CACNA1C: variants seen among roughly 807,000 people sequenced by gnomAD.
The protein encoded by CACNA1C is voltage-dependent L-type calcium channel subunit alpha-1C.
Under a neutral mutation model 229.0 loss-of-function variants are expected in CACNA1C, and 30 were observed. That is an observed-to-expected ratio of 0.13 (90% CI 0.10 to 0.18). The LOEUF (loss-of-function observed/expected upper bound fraction) is 0.18. Among genes scored for constraint, CACNA1C ranks in the 10% least tolerant of loss-of-function variants. The probability of loss-of-function intolerance (pLI) is 1.00; values close to 1 mark genes in which losing one functional copy is unlikely to be tolerated. For missense variants in CACNA1C, 1,658 were observed against 2,845.0 expected (o/e 0.58, Z 9.49); for synonymous variants, 1,114 against 1,132.5 (o/e 0.98, Z 0.33).
chr12:2,115,304 C>G lies in CACNA1C; in HGVS notation c.130C>G (p.Pro44Ala), dbSNP rs1057518456. Residue 44 changes from proline to alanine, a missense_variant, in exon 2 of 47, where the codon CCC becomes GCC. Physicochemically the swap from Pro to Ala is conservative, Grantham distance 27. Transcript: ENST00000399655. ...AAAGLAPEHI[P>A]TPGAALSWQA... ...AGCGGGGCTGGCCCCTGAGCACATC[C>G]CCACCCCGGGGGCTGCCCTGTCGTG... is the stretch of plus-strand genomic sequence containing the variant. The G allele has an allele frequency of 5.0e-6, 8 of 1,594,066 alleles. No homozygotes were observed. Among genetic ancestry groups the G allele is most frequent in the Non-Finnish European group, 6.8e-6 (8 of 1,172,142 alleles).
At chr12:2,213,243 G>A (rs2097986781) in intron 3 of CACNA1C, among the ~76,000 whole-genome samples, 1 of 152,172 alleles carries the variant, frequency 6.6e-6, no homozygotes, top group Non-Finnish European at 1.5e-5. Context: ...AACGCTTCAG[G>A]TCAGCTACTT....
At chr12:2,604,700 G>A (rs215989) in intron 22 of CACNA1C, among the ~76,000 whole-genome samples, 30,072 of 152,146 alleles carry the variant, frequency 0.2, 3,116 homozygotes, top group East Asian at 0.29. Flanking sequence ...GAAAATTTAG[G>A]AAATTTGTCC....
rs61202014 is a variant in CACNA1C at position 2,319,242 on chromosome 12, T to C, written c.478-129734T>C. ...TGTACATGATGAGCAGCTTACATGA[T>C]GTGTAGTGTACATGGGGGCGGCGTG... On this transcript the variant is annotated intron_variant, in intron 3 of 46. Coordinates refer to ENST00000399655, the MANE Select transcript of CACNA1C (RefSeq NM_000719.7). The surrounding 1 kb of genome is among the most constrained non-coding windows in gnomAD (Gnocchi z 4.0). Among the ~76,000 whole-genome samples the C allele has an allele frequency of 0.097, 14,809 of 151,920 alleles. 2,425 individuals carry two copies. Among genetic ancestry groups the C allele is most frequent in the African/African-American group, 0.34 (13,980 of 41,340 alleles).
intron 3 of CACNA1C, among the ~76,000 whole-genome samples, chr12:2,316,016 C>T (rs2095670081): frequency 6.6e-6 from 1 of 152,212 alleles, no homozygotes; most frequent in African/African-American, 2.4e-5. Context: ...GGCCCCAACT[C>T]TAAGGGTAAG....
intron 3 of CACNA1C, among the ~76,000 whole-genome samples, chr12:2,284,015 G>A (rs2092129720): frequency 6.6e-6 from 1 of 152,154 alleles, no homozygotes. Flanking sequence ...AAACAAAACA[G>A]CAGTATACCC....
At position 2,608,782 on chromosome 12, in the gene CACNA1C, C is replaced by T; in HGVS notation, c.3558+70C>T. The T allele has an allele frequency of 6.7e-7, 1 of 1,502,776 alleles. No homozygotes were observed. Among genetic ancestry groups the T allele is most frequent in the Non-Finnish European group, 9.2e-7 (1 of 1,090,866 alleles). The allele number at this position is 1,502,776 out of a possible 1,614,324, so 93.1% of individuals were successfully genotyped here. ...GAATGGCAGCCTGCGGCCCACCCCG[C>T]AGAGGGGCTGCGACAGGGAGAGGCC... On this transcript the variant is annotated intron_variant, in intron 27 of 46. Coordinates refer to ENST00000399655, the MANE Select transcript of CACNA1C (RefSeq NM_000719.7). This position sits in a 1 kb window ranked among gnomAD's most constrained non-coding sequence, Gnocchi z 4.2.
chr12:2,406,401 T>C (rs1434233942), intron 3 of CACNA1C, among the ~76,000 whole-genome samples: 1 of 152,210 alleles, frequency 6.6e-6, no homozygotes, highest in Non-Finnish European at 1.5e-5. Flanking sequence ...TGTTAGAGCA[T>C]TTGTTATAAT....
intron 1 of CACNA1C, among the ~76,000 whole-genome samples, chr12:1,987,647 C>A (rs780148118): frequency 8.9e-4 from 135 of 152,206 alleles, no homozygotes; most frequent in Non-Finnish European, 5.6e-4. Flanking sequence ...CATGTATGTA[C>A]CATTTCTTGA....
At chr12:2,323,435 A>C (rs962741028) in intron 3 of CACNA1C, among the ~76,000 whole-genome samples, 2 of 152,090 alleles carry the variant, frequency 1.3e-5, no homozygotes, top group African/African-American at 4.8e-5. Flanking sequence ...CTGTTTGTGG[A>C]ATAGGAAAAT....
rs188896461 is a variant in CACNA1C, at chr12:2,160,925, G to T, written c.477+40495G>T. Among the ~76,000 whole-genome samples, 326 of 152,290 alleles carry T rather than the reference G, an allele frequency of 2.1e-3. 1 individual carries two copies. Among genetic ancestry groups the T allele is most frequent in the Middle Eastern group, 0.014 (4 of 294 alleles). ...CAACCTCCGCCTCCCAGGTTCAAGC[G>T]ATTCTCCTGCCTCAGCCTCCTGAGT... On this transcript the variant is annotated intron_variant, in intron 3 of 46. Coordinates refer to ENST00000399655, the MANE Select transcript of CACNA1C (RefSeq NM_000719.7).
chr12:2,201,372 AT>A (rs2097576050), intron 3 of CACNA1C, among the ~76,000 whole-genome samples: 1 of 152,196 alleles, frequency 6.6e-6, no homozygotes, highest in Non-Finnish European at 1.5e-5. Context: ...ACGCAGTATA[AT>A]TCAATACCAT....
chr12:2,651,533 C>T lies in CACNA1C; in HGVS notation c.3946-107C>T, dbSNP rs534175975. 8.7e-4 allele frequency: 1,353 copies of T among 1,562,808 alleles called. 32 individuals are homozygous for T. The East Asian group carries it at 0.03, about 35-fold the overall frequency. On this transcript the variant is annotated intron_variant, in intron 31 of 46. Coordinates refer to ENST00000399655, the MANE Select transcript of CACNA1C (RefSeq NM_000719.7). This position sits in a 1 kb window ranked among gnomAD's most constrained non-coding sequence, Gnocchi z 5.4. ...GAAGTCTAGTGCAGCAAACCCTGGC[C>T]TGCCTTCCGCCACTGCCACTGAGGT...
intron 3 of CACNA1C, among the ~76,000 whole-genome samples, chr12:2,392,212 A>AAG (rs1434636948): frequency 3.9e-5 from 6 of 152,266 alleles, no homozygotes; most frequent in Non-Finnish European, 8.8e-5. Flanking sequence ...TGTTAAACAT[A>AAG]AGAGAGAGAA....
intron 3 of CACNA1C, among the ~76,000 whole-genome samples, chr12:2,365,961 T>C (rs557186574): frequency 1.3e-5 from 2 of 152,288 alleles, no homozygotes; most frequent in African/African-American, 2.4e-5. Context: ...TATGAAGACA[T>C]ATGAAAATAT....
rs375556353 is a variant in CACNA1C, at chr12:2,558,916, T to C, written c.1508+1939T>C. On this transcript the variant is annotated intron_variant, in intron 11 of 46. Transcript: ENST00000399655. ...TCAGGCCCATCCACTCTAGCTCTTA[T>C]TACAGAGCAAGAGCTCCAGAAATAT... Among the ~76,000 whole-genome samples the C allele has an allele frequency of 2.0e-5, 3 of 152,276 alleles. No individual in the cohort carries two copies. In the South Asian group the frequency reaches 6.2e-4, roughly 32 times the overall value.
At chr12:2,468,728 G>T (rs1426505494) in intron 5 of CACNA1C, among the ~76,000 whole-genome samples, 4 of 152,232 alleles carry the variant, frequency 2.6e-5, no homozygotes, top group Non-Finnish European at 5.9e-5. Flanking sequence ...TAGTATTGTT[G>T]TCACCTCAGG....
rs191703876 is a variant in CACNA1C, at chr12:2,142,093, C to A, written c.477+21663C>A. Among the ~76,000 whole-genome samples, 1,030 of 151,236 alleles carry A rather than the reference C, an allele frequency of 6.8e-3. 43 individuals carry two copies. The highest frequency in any genetic ancestry group is 0.024 in the Middle Eastern group (7 of 294). On this transcript the variant is annotated intron_variant, in intron 3 of 46. Coordinates refer to ENST00000399655, the MANE Select transcript of CACNA1C (RefSeq NM_000719.7). ...CTGGTGGGGGACAGCCACCACCTGG[C>A]ACGTGATGGTGGCAAGAATGCCTAA... is the stretch of plus-strand genomic sequence containing the variant.
At chr12:2,552,085 C>G (rs909991219) in intron 10 of CACNA1C, among the ~76,000 whole-genome samples, 10 of 152,276 alleles carry the variant, frequency 6.6e-5, no homozygotes, top group Admixed American at 6.5e-5. Context: ...AGAATAAGAC[C>G]AAGCAAGCAA....
At chr12:2,556,850 G>A (rs192063602) in intron 10 of CACNA1C, 101 bp from the exon 11 acceptor site, 779 of 964,710 alleles carry the variant, frequency 8.1e-4, no homozygotes, top group Non-Finnish European at 1.2e-3. Context: ...GCACCCACAC[G>A]AAATTACCTG....
Sources: gnomAD v4.1 joint callset for allele counts (sites outside exome capture counted in the v4.1 genomes callset) on GRCh38, gnomAD v4.1.1 for gene constraint, Gnocchi (gnomAD v3.1) non-coding constraint, MANE v1.5 for transcripts, NCBI Gene and HGNC (gene_info 2026-07-23, HGNC 2026-07-21) for gene names.